KHDRBS2: variants seen among roughly 807,000 people sequenced by gnomAD.
The protein encoded by KHDRBS2 is KH domain-containing, RNA-binding, signal transduction-associated protein 2.
A neutral mutation model predicts 44.3 loss-of-function variants in KHDRBS2; 26 were observed. The observed-to-expected ratio is 0.59, with a 90% CI of 0.43 to 0.81. The LOEUF (loss-of-function observed/expected upper bound fraction) is 0.81, where lower values mean the gene tolerates loss of function less well. Ranked by LOEUF, KHDRBS2 falls within the 40% of genes least tolerant of loss-of-function variation. KHDRBS2 has a pLI of 0.00. For missense variants in KHDRBS2, 476 were observed against 433.1 expected (o/e 1.10, Z -0.88); for synonymous variants, 194 against 151.1 (o/e 1.28, Z -2.08).
the KHDRBS2 span, among the ~76,000 whole-genome samples, chr6:61,663,463 A>G: frequency 8.2e-6 from 1 of 122,480 alleles, no homozygotes; most frequent in Non-Finnish European, 1.7e-5. Flanking sequence ...ATAATGACAA[A>G]CATTAGTCAT....
chr6:61,596,530 G>A, the KHDRBS2 span, among the ~76,000 whole-genome samples: 1 of 152,164 alleles, frequency 6.6e-6, no homozygotes, highest in Non-Finnish European at 1.5e-5. Context: ...TTACTTGCCA[G>A]CTTCCAAAGA....
At chr6:61,685,631 T>A (rs140713579) in intron 8 of KHDRBS2, among the ~76,000 whole-genome samples, 1 of 151,940 alleles carries the variant, frequency 6.6e-6, no homozygotes, top group African/African-American at 2.4e-5. Flanking sequence ...TTCATGGTAG[T>A]CAGCGTCACT....
intron 7 of KHDRBS2, among the ~76,000 whole-genome samples, chr6:61,719,925 C>T (rs529142140): frequency 1.5e-4 from 23 of 152,180 alleles, no homozygotes; most frequent in East Asian, 1.9e-4. Context: ...CTATGCCTCC[C>T]GCCTCTTCCC....
intron 3 of KHDRBS2, among the ~76,000 whole-genome samples, chr6:62,037,669 G>C (rs1562696855): frequency 6.6e-6 from 1 of 151,840 alleles, no homozygotes; most frequent in African/African-American, 2.4e-5. Context: ...TTTAAATTAA[G>C]GCTCACATTT....
chr6:61,716,203 T>C (rs1247364058), intron 7 of KHDRBS2, among the ~76,000 whole-genome samples: 1 of 151,974 alleles, frequency 6.6e-6, no homozygotes, highest in Non-Finnish European at 1.5e-5. Flanking sequence ...GAGAGGACTG[T>C]ATGGGTGTTC....
intron 3 of KHDRBS2, among the ~76,000 whole-genome samples, chr6:62,001,539 A>C (rs1234100140): frequency 6.6e-6 from 1 of 152,118 alleles, no homozygotes; most frequent in African/African-American, 2.4e-5. Context: ...GGTGGAAAAA[A>C]ATTACAGAAA....
At chr6:62,258,525 T>C (rs139292638) in intron 1 of KHDRBS2, among the ~76,000 whole-genome samples, 5 of 152,062 alleles carry the variant, frequency 3.3e-5, no homozygotes, top group South Asian at 2.1e-4. Flanking sequence ...CAGACAATCA[T>C]ACATTGTCCA....
chr6:61,572,768 T>C, the KHDRBS2 span, among the ~76,000 whole-genome samples: 2 of 152,176 alleles, frequency 1.3e-5, no homozygotes, highest in Non-Finnish European at 2.9e-5. Flanking sequence ...AAATCCAGTA[T>C]ACCTTTATGA....
intron 6 of KHDRBS2, among the ~76,000 whole-genome samples, chr6:61,846,992 G>C (rs1283648441): frequency 6.6e-6 from 1 of 151,834 alleles, no homozygotes; most frequent in Non-Finnish European, 1.5e-5. Context: ...AATTACAACT[G>C]TCATAGTTTT....
intron 2 of KHDRBS2, among the ~76,000 whole-genome samples, chr6:62,056,720 C>G (rs1408232887): frequency 6.6e-6 from 1 of 151,904 alleles, no homozygotes; most frequent in Non-Finnish European, 1.5e-5. Flanking sequence ...TTATTGATGA[C>G]AGTAAAACAT....
chr6:62,153,804 G>A (rs1815755431), intron 2 of KHDRBS2, among the ~76,000 whole-genome samples: 1 of 152,102 alleles, frequency 6.6e-6, no homozygotes, highest in Admixed American at 6.6e-5. Flanking sequence ...TATAGTCTAA[G>A]GGAGATTCTT....
the KHDRBS2 span, among the ~76,000 whole-genome samples, chr6:61,653,613 CAGAGAGAG>C: frequency 7.8e-4 from 116 of 148,894 alleles, 2 homozygotes; most frequent in East Asian, 0.017. Flanking sequence ...AACTGAGAGA[CAGAGAGAG>C]AGAGAGAGAG....
intron 2 of KHDRBS2, among the ~76,000 whole-genome samples, chr6:62,134,863 T>G (rs562554969): frequency 6.6e-6 from 1 of 152,290 alleles, no homozygotes; most frequent in South Asian, 2.1e-4. Context: ...ATGGGTATAT[T>G]TATACAACGC....
At chr6:61,817,926 T>C (rs1340764999) in intron 6 of KHDRBS2, among the ~76,000 whole-genome samples, 1 of 152,102 alleles carries the variant, frequency 6.6e-6, no homozygotes, top group East Asian at 1.9e-4. Context: ...AGTGTTGATA[T>C]GCCTAAGGCT....
intron 2 of KHDRBS2, among the ~76,000 whole-genome samples, chr6:62,138,793 A>C (rs1267151794): frequency 1.3e-5 from 2 of 152,366 alleles, no homozygotes; most frequent in Non-Finnish European, 2.9e-5. Flanking sequence ...ATATGTTACC[A>C]AAAACTATAT....
chr6:61,698,551 T>C (rs1768183646), intron 7 of KHDRBS2, among the ~76,000 whole-genome samples: 1 of 152,178 alleles, frequency 6.6e-6, no homozygotes, highest in Non-Finnish European at 1.5e-5. Flanking sequence ...ATTATCGATG[T>C]AGCAGTCAAA....
chr6:62,089,122 A>G (rs1200285381), intron 2 of KHDRBS2, among the ~76,000 whole-genome samples: 1 of 152,120 alleles, frequency 6.6e-6, no homozygotes, highest in Non-Finnish European at 1.5e-5. Flanking sequence ...GCTGGCAGCA[A>G]TAATTTCATA....
chr6:61,776,154 A>T (rs1348171685), intron 6 of KHDRBS2, among the ~76,000 whole-genome samples: 1 of 152,212 alleles, frequency 6.6e-6, no homozygotes, highest in Non-Finnish European at 1.5e-5. Context: ...GATGGATCAA[A>T]GACTTACATG....
intron 2 of KHDRBS2, among the ~76,000 whole-genome samples, chr6:62,128,015 T>C (rs1407040494): frequency 6.6e-6 from 1 of 152,196 alleles, no homozygotes; most frequent in Non-Finnish European, 1.5e-5. Context: ...CCATCTTTTA[T>C]AGAATTAGCA....
Sources: allele counts gnomAD v4.1 joint callset (sites outside exome capture counted in the v4.1 genomes callset), GRCh38; gene constraint gnomAD v4.1.1; transcripts MANE v1.5; gene names NCBI Gene and HGNC (gene_info 2026-07-23, HGNC 2026-07-21).